MAF: variants seen among roughly 807,000 people sequenced by gnomAD.
The protein encoded by MAF is MAF bZIP transcription factor.
MAF carries 10 observed loss-of-function variants against 22.0 expected under a neutral mutation model. That is an observed-to-expected ratio of 0.45 (90% CI 0.28 to 0.77). MAF has a LOEUF of 0.77. Among genes scored for constraint, MAF ranks in the 30% least tolerant of loss-of-function variants. The pLI is 0.12. For missense variants in MAF, 544 were observed against 548.4 expected, an observed-to-expected ratio of 0.99 and a Z score of 0.08; for synonymous variants, 337 against 255.8, an observed-to-expected ratio of 1.32 and a Z score of -3.03.
the MAF span, among the ~76,000 whole-genome samples, chr16:79,370,170 G>A: frequency 5.3e-5 from 8 of 152,098 alleles, no homozygotes; most frequent in Non-Finnish European, 1.2e-4. Context: ...GTTTCTAGGT[G>A]GTAAAAGGAG....
chr16:79,445,742 T>C, the MAF span, among the ~76,000 whole-genome samples: 1 of 152,250 alleles, frequency 6.6e-6, no homozygotes, highest in Non-Finnish European at 1.5e-5. Context: ...CATCCCTGTC[T>C]CATCCAGGAG....
At chr16:79,255,487 G>C in the MAF span, among the ~76,000 whole-genome samples, 5 of 152,178 alleles carry the variant, frequency 3.3e-5, no homozygotes, top group African/African-American at 1.2e-4. Flanking sequence ...ATTCGAAACT[G>C]ATCTCCATGC....
At chr16:79,266,910 G>A in the MAF span, among the ~76,000 whole-genome samples, 1 of 152,142 alleles carries the variant, frequency 6.6e-6, no homozygotes, top group Non-Finnish European at 1.5e-5. Flanking sequence ...GTAATGACAT[G>A]TATCTTTCCT....
the MAF span, among the ~76,000 whole-genome samples, chr16:79,325,310 A>G: frequency 6.6e-6 from 1 of 152,168 alleles, no homozygotes; most frequent in African/African-American, 2.4e-5. Context: ...CGTGCATGCA[A>G]CTGGCATTAT....
chr16:79,246,541 G>T, the MAF span, among the ~76,000 whole-genome samples: 324 of 39,072 alleles, frequency 8.3e-3, 11 homozygotes, highest in African/African-American at 0.027. Flanking sequence ...GGTTTTTTTT[G>T]GGGGGGGTGT....
the MAF span, among the ~76,000 whole-genome samples, chr16:79,576,386 G>A: frequency 6.6e-6 from 1 of 152,134 alleles, no homozygotes; most frequent in Non-Finnish European, 1.5e-5. Flanking sequence ...CACCTGAGCT[G>A]GTCCTTCCCC....
the MAF span, among the ~76,000 whole-genome samples, chr16:79,244,682 A>G: frequency 3.3e-5 from 5 of 152,094 alleles, no homozygotes; most frequent in Non-Finnish European, 7.4e-5. Flanking sequence ...CCATCAAGCT[A>G]CCATTGACTT....
chr16:79,336,582 T>G, the MAF span, among the ~76,000 whole-genome samples: 3 of 152,180 alleles, frequency 2.0e-5, no homozygotes, highest in African/African-American at 7.2e-5. Context: ...TGAAGCTCAG[T>G]GGCACTGTCC....
chr16:79,430,311 G>T, the MAF span, among the ~76,000 whole-genome samples: 1 of 152,240 alleles, frequency 6.6e-6, no homozygotes, highest in South Asian at 2.1e-4. Context: ...AGTCCTCAGG[G>T]CAGGGCTGCG....
At chr16:79,304,686 A>G in the MAF span, among the ~76,000 whole-genome samples, 1 of 152,164 alleles carries the variant, frequency 6.6e-6, no homozygotes, top group Non-Finnish European at 1.5e-5. Context: ...CAGACCCTAA[A>G]AAACACACTC....
the MAF span, among the ~76,000 whole-genome samples, chr16:79,236,651 A>G: frequency 0.56 from 84,483 of 151,834 alleles, 24,939 homozygotes; most frequent in Non-Finnish European, 0.67. Context: ...GCCAGGCTAC[A>G]AGGCTAGACT....
the MAF span, among the ~76,000 whole-genome samples, chr16:79,534,859 A>T: frequency 6.6e-6 from 1 of 152,172 alleles, no homozygotes; most frequent in Non-Finnish European, 1.5e-5. Flanking sequence ...AAACATCCAA[A>T]ATTTGATCCC....
chr16:79,508,497 G>A, the MAF span, among the ~76,000 whole-genome samples: 5,330 of 152,144 alleles, frequency 0.035, 116 homozygotes, highest in Non-Finnish European at 0.045. Flanking sequence ...GTCCCAGGGC[G>A]CTGCTCAGCA....
chr16:79,406,132 A>T, the MAF span, among the ~76,000 whole-genome samples: 1 of 152,066 alleles, frequency 6.6e-6, no homozygotes, highest in Non-Finnish European at 1.5e-5. Flanking sequence ...CCAATTGCCC[A>T]CAGTGACCCA....
chr16:79,223,549 C>A, the MAF span, among the ~76,000 whole-genome samples: 2 of 152,050 alleles, frequency 1.3e-5, no homozygotes, highest in African/African-American at 2.4e-5. Context: ...ACAAAAAACC[C>A]TTCAAAAAAT....
chr16:79,355,043 T>C, the MAF span, among the ~76,000 whole-genome samples: 1 of 151,280 alleles, frequency 6.6e-6, no homozygotes, highest in Non-Finnish European at 1.5e-5. Context: ...GGCTCAAATG[T>C]AAAAGATTTC....
At chr16:79,489,716 C>T in the MAF span, among the ~76,000 whole-genome samples, 3 of 152,122 alleles carry the variant, frequency 2.0e-5, no homozygotes, top group Admixed American at 2.0e-4. Flanking sequence ...AAGATGAGGG[C>T]AAAATAGAAG....
chr16:79,502,134 G>A, the MAF span, among the ~76,000 whole-genome samples: 1 of 152,142 alleles, frequency 6.6e-6, no homozygotes, highest in African/African-American at 2.4e-5. Flanking sequence ...ACCCTCTCAA[G>A]AGCCCCTTGT....
At chr16:79,254,123 A>G in the MAF span, among the ~76,000 whole-genome samples, 7 of 152,236 alleles carry the variant, frequency 4.6e-5, no homozygotes, top group East Asian at 1.9e-4. Flanking sequence ...AGTAATTCAT[A>G]TGCCTCATTA....
Sources: gnomAD v4.1 joint callset for allele counts (sites outside exome capture counted in the v4.1 genomes callset) on GRCh38, gnomAD v4.1.1 for gene constraint, MANE v1.5 for transcripts, NCBI Gene and HGNC (gene_info 2026-07-23, HGNC 2026-07-21) for gene names.